Variants in L3MBTL4 observed in about 807,000 individuals in gnomAD.
L3MBTL4 encodes L3MBTL histone methyl-lysine binding protein 4, also known as lethal(3)malignant brain tumor-like protein 4.
A neutral mutation model predicts 84.5 loss-of-function variants in L3MBTL4; 70 were observed. The observed-to-expected ratio is 0.83, with a 90% CI of 0.68 to 1.01. The LOEUF (loss-of-function observed/expected upper bound fraction) is 1.01, where lower values mean the gene tolerates loss of function less well. Among genes scored for constraint, L3MBTL4 ranks in the 50% least tolerant of loss-of-function variants. The pLI is 0.00. For synonymous variants in L3MBTL4, 274 were observed against 259.8 expected (o/e 1.05, Z -0.52); for missense variants, 715 against 754.8 (o/e 0.95, Z 0.62).
chr18:6,110,588 G>T (rs1163658553), intron 14 of L3MBTL4, among the ~76,000 whole-genome samples: 3 of 138,004 alleles, frequency 2.2e-5, no homozygotes, highest in Non-Finnish European at 4.7e-5. Context: ...GTGTACGTGG[G>T]GGGTTGTATG....
At chr18:6,205,497 T>C (rs969772661) in intron 12 of L3MBTL4, among the ~76,000 whole-genome samples, 2 of 152,176 alleles carry the variant, frequency 1.3e-5, no homozygotes, top group Non-Finnish European at 2.9e-5. Flanking sequence ...GCCATGGTGG[T>C]TTGTTGCACC....
chr18:6,283,813 T>C (rs143088871), intron 4 of L3MBTL4, among the ~76,000 whole-genome samples: 1 of 152,330 alleles, frequency 6.6e-6, no homozygotes, highest in African/African-American at 2.4e-5. Context: ...ACATGCCAAT[T>C]AAGTGGCAAA....
At chr18:6,248,418 TTCAAA>T (rs2047778498) in intron 5 of L3MBTL4, among the ~76,000 whole-genome samples, 1 of 152,226 alleles carries the variant, frequency 6.6e-6, no homozygotes, top group Non-Finnish European at 1.5e-5. Flanking sequence ...TACAATTGAG[TTCAAA>T]TTTGTTCAAT....
intron 12 of L3MBTL4, among the ~76,000 whole-genome samples, chr18:6,183,700 G>C (rs67843482): frequency 0.091 from 13,839 of 152,242 alleles, 677 homozygotes; most frequent in African/African-American, 0.11. Context: ...TATACAGAGA[G>C]AGGATATTGT....
At chr18:6,073,831 A>C (rs1296357229) in intron 16 of L3MBTL4, among the ~76,000 whole-genome samples, 1 of 152,198 alleles carries the variant, frequency 6.6e-6, no homozygotes, top group Non-Finnish European at 1.5e-5. Flanking sequence ...TATAACATTT[A>C]ATACATTGAG....
intron 4 of L3MBTL4, among the ~76,000 whole-genome samples, chr18:6,288,825 T>G (rs1211111532): frequency 2.6e-5 from 4 of 151,780 alleles, no homozygotes; most frequent in African/African-American, 9.7e-5. Flanking sequence ...GAATAAAGTT[T>G]ACAAATGAAA....
intron 16 of L3MBTL4, among the ~76,000 whole-genome samples, chr18:5,981,489 C>A (rs934429308): frequency 2.6e-5 from 4 of 152,150 alleles, no homozygotes; most frequent in African/African-American, 9.7e-5. Flanking sequence ...AGGCTCTGTG[C>A]TCTTCGTTAT....
chr18:5,961,668 T>G (rs970283130), intron 17 of L3MBTL4, among the ~76,000 whole-genome samples: 4 of 152,228 alleles, frequency 2.6e-5, no homozygotes, highest in Non-Finnish European at 5.9e-5. Flanking sequence ...TCTGTGCTAG[T>G]GAGTGCCTCT....
chr18:6,248,867 T>A (rs1291654175), intron 5 of L3MBTL4, among the ~76,000 whole-genome samples: 2 of 152,200 alleles, frequency 1.3e-5, no homozygotes, highest in African/African-American at 4.8e-5. Flanking sequence ...CTTTTTTATA[T>A]AAGCATGGAA....
At chr18:6,126,703 C>G (rs2059706739) in intron 14 of L3MBTL4, among the ~76,000 whole-genome samples, 1 of 152,038 alleles carries the variant, frequency 6.6e-6, no homozygotes, top group Non-Finnish European at 1.5e-5. Flanking sequence ...TATACATTAA[C>G]CTTGAAGAAT....
At chr18:6,020,290 G>A (rs2055188857) in intron 16 of L3MBTL4, among the ~76,000 whole-genome samples, 1 of 152,036 alleles carries the variant, frequency 6.6e-6, no homozygotes, top group Admixed American at 6.6e-5. Context: ...ATATAGTCAG[G>A]TATTGGGTGG....
At chr18:6,149,235 TC>T (rs34636946) in intron 13 of L3MBTL4, among the ~76,000 whole-genome samples, 1 of 132,430 alleles carries the variant, frequency 7.6e-6, no homozygotes, top group Non-Finnish European at 1.6e-5. Context: ...TGTGTGATGT[TC>T]CCCTTCCTGT....
At chr18:6,114,075 C>T (rs2059281677) in intron 14 of L3MBTL4, among the ~76,000 whole-genome samples, 1 of 152,196 alleles carries the variant, frequency 6.6e-6, no homozygotes. Context: ...TACACACAAA[C>T]ACACACAGAC....
chr18:6,204,421 G>GTAAC (rs1336319485), intron 12 of L3MBTL4, among the ~76,000 whole-genome samples: 3 of 152,186 alleles, frequency 2.0e-5, no homozygotes, highest in Non-Finnish European at 4.4e-5. Context: ...CAGCAGCCGT[G>GTAAC]TAACTCCCCA....
intron 1 of L3MBTL4, among the ~76,000 whole-genome samples, chr18:6,358,094 T>TG (rs2053525573): frequency 6.6e-6 from 1 of 152,150 alleles, no homozygotes; most frequent in Non-Finnish European, 1.5e-5. Flanking sequence ...TTTCCATAAA[T>TG]TATGCAGCCT....
At chr18:6,213,410 T>G (rs2046197144) in intron 11 of L3MBTL4, 151 bp from the exon 12 acceptor site, 2 of 564,858 alleles carry the variant, frequency 3.5e-6, no homozygotes, top group Admixed American at 7.1e-5. Flanking sequence ...CTTTTTTGTT[T>G]TTGTTTTTGT....
intron 16 of L3MBTL4, among the ~76,000 whole-genome samples, chr18:6,022,639 A>G (rs2055322633): frequency 6.6e-6 from 1 of 152,190 alleles, no homozygotes; most frequent in African/African-American, 2.4e-5. Flanking sequence ...GGATTATCAC[A>G]TCGAATCCCA....
chr18:5,981,700 A>C (rs1310729418), intron 16 of L3MBTL4, among the ~76,000 whole-genome samples: 1 of 151,608 alleles, frequency 6.6e-6, no homozygotes, highest in Non-Finnish European at 1.5e-5. Context: ...TTGTAGTCCC[A>C]GCTACTCCGA....
intron 16 of L3MBTL4, among the ~76,000 whole-genome samples, chr18:6,078,085 G>A (rs1175441208): frequency 1.4e-5 from 2 of 147,558 alleles, no homozygotes; most frequent in African/African-American, 5.0e-5. Context: ...GAATGAAGAA[G>A]GCACTCATTC....
Sources: gnomAD v4.1 joint callset for allele counts (sites outside exome capture counted in the v4.1 genomes callset) on GRCh38, gnomAD v4.1.1 for gene constraint, MANE v1.5 for transcripts, NCBI Gene and HGNC (gene_info 2026-07-23, HGNC 2026-07-21) for gene names.